The following RXRG variants were observed in gnomAD, a reference collection of about 807,000 sequenced individuals.
The protein encoded by RXRG is retinoid X receptor gamma, also known as retinoic acid receptor RXR-gamma.
A neutral mutation model predicts 49.2 loss-of-function variants in RXRG; 19 were observed. The ratio of observed to expected loss-of-function variants is 0.39; its 90% CI spans 0.27 to 0.57. The LOEUF (loss-of-function observed/expected upper bound fraction) is 0.57, where lower values mean the gene tolerates loss of function less well. Ranked by LOEUF, RXRG falls within the 20% of genes least tolerant of loss-of-function variation. The probability of loss-of-function intolerance (pLI) is 0.64; values close to 1 mark genes in which losing one functional copy is unlikely to be tolerated. For synonymous variants in RXRG, 224 were observed against 216.6 expected, an observed-to-expected ratio of 1.03 and a Z score of -0.30; for missense variants, 452 against 592.5, an observed-to-expected ratio of 0.76 and a Z score of 2.46.
chr1:165,428,762 G>A lies in RXRG; in HGVS notation c.254C>T (p.Ala85Val), dbSNP rs145797395. The A allele has an allele frequency of 7.5e-6, 12 of 1,606,940 alleles. No homozygotes were observed. The East Asian group carries it at 2.5e-4, about 33-fold the overall frequency. ...SAMGPPSGAL[A>V]APPGINLVAP... Reference sequence around the variant, plus strand: ...AACCAAGTTGATTCCTGGAGGCGCTGCAAGTGCTCCTGAGGGTGGGCCCAT... The same window carrying A: ...AACCAAGTTGATTCCTGGAGGCGCTACAAGTGCTCCTGAGGGTGGGCCCAT... The change falls in exon 2 of 10, where the codon GCA (alanine) becomes GTA (valine). Residue 85 changes from alanine to valine, a missense_variant. Around this residue, in one of 2 missense-constraint regions of RXRG, gnomAD observed 166 missense variants for 151.7 expected, o/e 1.09. Transcript: ENST00000359842.
intron 9 of RXRG, among the ~76,000 whole-genome samples, chr1:165,402,177 C>T (rs892897550): frequency 8.6e-5 from 13 of 151,854 alleles, no homozygotes; most frequent in African/African-American, 4.8e-5. Context: ...CTCTGCCTTC[C>T]GGGTTCAAGC....
intron 1 of RXRG, chr1:165,437,165 G>GTGGAGAGCAGAAGT: frequency 7.3e-7 from 1 of 1,367,834 alleles, no homozygotes; most frequent in Non-Finnish European, 9.8e-7. Context: ...CCCTAGCGAT[G>GTGGAGAGCAGAAGT]TGGAGAGCAG....
At position 165,409,491 on chromosome 1, in the gene RXRG, A is replaced by G. The variant is rs1390291445; in HGVS notation, c.1046+67T>C. ...AGAATTCATGTATGTACACATGTGT[A>G]TACACACACACACACACACACACAC... On this transcript the variant is annotated intron_variant, in intron 7 of 9. Transcript: ENST00000359842. 134 of 699,386 alleles carry G rather than the reference A, an allele frequency of 1.9e-4. 1 individual carries two copies. The East Asian group carries it at 5.2e-3, about 27-fold the overall frequency. 43.3% of individuals were successfully genotyped at this position (699,386 alleles called of 1,614,324 possible).
At position 165,409,666 on chromosome 1, in the gene RXRG, G is replaced by A; in HGVS notation, c.938C>T (p.Ser313Phe). The change falls in exon 7 of 10, where the codon TCT becomes TTT. Residue 313 changes from serine (S) to phenylalanine (F), a missense_variant. By Grantham distance (155) the Ser-to-Phe change is radical. Around this residue, in one of 2 missense-constraint regions of RXRG, gnomAD observed 286 missense variants for 440.9 expected, o/e 0.65. Transcript: ENST00000359842. The part of the protein sequence containing the change: ...RAGWNELLIA[S>F]FSHRSVSVQD... ...CACGGAAACTGAGCGGTGGGAGAAA[G>A]AGGCAATCAGCAATTCATTCCACCC... is the stretch of plus-strand genomic sequence containing the variant. The A allele has an allele frequency of 6.5e-7, 1 of 1,542,050 alleles. No homozygotes were observed. Among genetic ancestry groups the A allele is most frequent in the Non-Finnish European group, 8.7e-7 (1 of 1,145,406 alleles).
In RXRG at chr1:165,445,116, C is replaced by T. The variant is rs1557931149; in HGVS notation, c.-223G>A. On this transcript the variant is annotated 5_prime_UTR_variant, in exon 1 of 10. Transcript: ENST00000359842. ...AGTGCGTTTGAGACGGCTGTGGCGGCAGCAGCTGGTGCCTGTCAGTAATCA... is the reference window on the plus strand; with the variant it reads ...AGTGCGTTTGAGACGGCTGTGGCGGTAGCAGCTGGTGCCTGTCAGTAATCA... 1.2e-5 allele frequency: 7 copies of T among 572,290 alleles called. No homozygotes were observed. The South Asian group carries it at 1.4e-4, about 11-fold the overall frequency. 35.5% of individuals were successfully genotyped at this position (572,290 alleles called of 1,614,324 possible). A position where few individuals can be genotyped will look rare whatever the true frequency, so the allele number is the denominator to read the frequency against.
intron 2 of RXRG, among the ~76,000 whole-genome samples, chr1:165,426,874 C>G (rs1298274595): frequency 6.6e-6 from 1 of 152,174 alleles, no homozygotes; most frequent in Non-Finnish European, 1.5e-5. Context: ...CTCCAAAGGC[C>G]AGCAGGCTTG....
intron 8 of RXRG, 67 bp downstream of exon 8, chr1:165,408,160 G>C: frequency 8.5e-7 from 1 of 1,179,438 alleles, no homozygotes; most frequent in Non-Finnish European, 1.3e-6. Context: ...AATAACATGG[G>C]AGCACTGGAG....
At position 165,428,952 on chromosome 1, in the gene RXRG, T is replaced by A; in HGVS notation, c.64A>T (p.Thr22Ser). Residue 22 changes from threonine to serine, a missense_variant, in exon 2 of 10, where the codon ACT becomes TCT. Thr to Ser is a moderately conservative substitution (Grantham distance 58, BLOSUM62 1). Coordinates refer to ENST00000359842, the MANE Select transcript of RXRG (RefSeq NM_006917.5). Reference sequence around the variant, plus strand: ...GATGGGCTCATGGATGTAGAGCCAGTGTGGCCAGGGGAGCCTGTAAGAAGA... The same window carrying A: ...GATGGGCTCATGGATGTAGAGCCAGAGTGGCCAGGGGAGCCTGTAAGAAGA... ...PAGYGGSPGH[T>S]GSTSMSPSAA... is the part of the protein sequence containing the mutation. 6.2e-7 allele frequency: 1 copy of A among 1,613,108 alleles called. No individual in the cohort carries two copies. The highest frequency in any genetic ancestry group is 1.1e-5 in the South Asian group (1 of 90,754).
At chr1:165,412,324 A>C (rs1042136905) in intron 4 of RXRG, among the ~76,000 whole-genome samples, 6 of 152,204 alleles carry the variant, frequency 3.9e-5, no homozygotes, top group African/African-American at 4.8e-5. Context: ...ATTGAGAGAG[A>C]GGCAAGGAGG....
chr1:165,414,451 C>T (rs982405616), intron 4 of RXRG, among the ~76,000 whole-genome samples: 9 of 152,152 alleles, frequency 5.9e-5, no homozygotes, highest in African/African-American at 2.2e-4. Context: ...GATATTCAGC[C>T]TGCATTTTCA....
intron 3 of RXRG, among the ~76,000 whole-genome samples, 171 bp from the exon 4 acceptor site, chr1:165,417,391 C>T (rs2101719938): frequency 6.6e-6 from 1 of 152,280 alleles, no homozygotes; most frequent in South Asian, 2.1e-4. Flanking sequence ...AGGAACCAAA[C>T]TAAGACACAG....
At chr1:165,413,615 A>G (rs116056826) in intron 4 of RXRG, among the ~76,000 whole-genome samples, 4,090 of 152,312 alleles carry the variant, frequency 0.027, 89 homozygotes, top group Admixed American at 0.063. Flanking sequence ...AAGGATACCA[A>G]TGCTGCCCAT....
At chr1:165,437,259 C>T in intron 1 of RXRG, 1 of 1,355,164 alleles carries the variant, frequency 7.4e-7, no homozygotes, top group Non-Finnish European at 9.9e-7. Context: ...TAAGCATCTG[C>T]TTGTATATGG....
rs537885990 is a variant in RXRG, at chr1:165,428,574, T to G, written c.297+145A>C. 2.2e-5 allele frequency: 20 copies of G among 914,148 alleles called. No individual in the cohort carries two copies. In the African/African-American group the frequency reaches 3.1e-4, roughly 14 times the overall value. The allele number at this position is 914,148 out of a possible 1,614,324, so 56.6% of individuals were successfully genotyped here. ...CTGAGGACACATGCAATGAAGGCCC[T>G]GCCTGAGGGACGTCTGCAGAGACCA... On this transcript the variant is annotated intron_variant, in intron 2 of 9. Transcript: ENST00000359842.
At chr1:165,429,949 C>A (rs1035330086) in intron 1 of RXRG, among the ~76,000 whole-genome samples, 1 of 152,088 alleles carries the variant, frequency 6.6e-6, no homozygotes, top group South Asian at 2.1e-4. Flanking sequence ...GAGCTATAAG[C>A]TTTAGGATCT....
chr1:165,410,759 G>A lies in RXRG; in HGVS notation c.856C>T (p.Arg286Cys), dbSNP rs1269329293. 5.0e-6 allele frequency: 8 copies of A among 1,614,092 alleles called. No homozygotes were observed. The highest frequency in any genetic ancestry group is 4.5e-5 in the East Asian group (2 of 44,874). Residue 286 changes from arginine (R) to cysteine (C), a missense_variant, in exon 6 of 10, where the codon CGT (arginine) becomes TGT (cysteine). Coordinates refer to ENST00000359842, the MANE Select transcript of RXRG (RefSeq NM_006917.5). ...GTGAGGTCAGAGAAGTGGGGAATAC[G>A]CTTGGCCCATTCAACGAGGGTGAAA... ...QLFTLVEWAK[R>C]IPHFSDLTLE...
At position 165,445,051 on chromosome 1, in the gene RXRG, G is replaced by A; in HGVS notation, c.-158C>T. 1 of 658,516 alleles carries A rather than the reference G, an allele frequency of 1.5e-6. No individual in the cohort carries two copies. The highest frequency in any genetic ancestry group is 2.7e-6 in the Non-Finnish European group (1 of 363,660). The allele number at this position is 658,516 out of a possible 1,614,324, so 40.8% of individuals were successfully genotyped here. A position where few individuals can be genotyped will look rare whatever the true frequency, so the allele number is the denominator to read the frequency against. On this transcript the variant is annotated 5_prime_UTR_variant, in exon 1 of 10. Coordinates refer to ENST00000359842, the MANE Select transcript of RXRG (RefSeq NM_006917.5). Reference sequence around the variant, plus strand: ...AGCACAGGCTGGGCCAGCCCTCTGGGATTAGTCAGGAATCTGCCTCTAGAT... The same window carrying A: ...AGCACAGGCTGGGCCAGCCCTCTGGAATTAGTCAGGAATCTGCCTCTAGAT...
intron 1 of RXRG, among the ~76,000 whole-genome samples, chr1:165,432,801 T>C (rs907570988): frequency 2.0e-5 from 3 of 152,224 alleles, no homozygotes; most frequent in African/African-American, 2.4e-5. Flanking sequence ...CTTGCAAATT[T>C]ATCCAGGAGA....
intron 7 of RXRG, 36 bp from the exon 8 acceptor site, chr1:165,408,354 G>A (rs1335091761): frequency 1.7e-5 from 25 of 1,452,602 alleles, no homozygotes; most frequent in East Asian, 4.5e-5. Flanking sequence ...TGAGAAAACC[G>A]TAAGTAACAG....
Sources: gnomAD v4.1 joint callset for allele counts (sites outside exome capture counted in the v4.1 genomes callset) on GRCh38, gnomAD v4.1.1 for gene constraint, gnomAD v4.1.1 regional missense constraint, MANE v1.5 for transcripts, NCBI Gene and HGNC (gene_info 2026-07-23, HGNC 2026-07-21) for gene names.